The following C7 variants were observed in gnomAD, a reference collection of about 807,000 sequenced individuals.
C7 encodes the protein complement C7.
C7 carries 83 observed loss-of-function variants against 104.8 expected under a neutral mutation model. The observed-to-expected ratio is 0.79, with a 90% CI of 0.66 to 0.95. C7 has a LOEUF of 0.95. Among genes scored for constraint, C7 ranks in the 40% least tolerant of loss-of-function variants. The pLI, the probability that C7 is intolerant of heterozygous loss-of-function variation, is 0.00. For missense variants in C7, 1,070 were observed against 1,011.2 expected (o/e 1.06, Z -0.79); for synonymous variants, 415 against 360.6 (o/e 1.15, Z -1.71).
chr5:40,953,578 T>C (rs552979552), intron 9 of C7, among the ~76,000 whole-genome samples: 164 of 140,966 alleles, frequency 1.2e-3, no homozygotes, highest in Non-Finnish European at 2.1e-3. Flanking sequence ...GAGGCAGAGG[T>C]TGCAGTGAGC....
In C7 at chr5:40,934,481, A is replaced by G. The variant is rs1739773241; in HGVS notation, c.280+15A>G. On this transcript the variant is annotated intron_variant, in intron 4 of 17. Coordinates refer to ENST00000313164, the MANE Select transcript of C7 (RefSeq NM_000587.4). ...GTGCTTTTCAGGTAACTTGTTTTCC[A>G]TAGGCTCAGCATGCAGATTGTAAAT... is the stretch of plus-strand genomic sequence containing the variant. The G allele has an allele frequency of 2.5e-6, 4 of 1,612,782 alleles. No homozygotes were observed. Among genetic ancestry groups the G allele is most frequent in the East Asian group, 4.5e-5 (2 of 44,888 alleles).
At chr5:40,949,142 G>T (rs1324670170) in intron 8 of C7, among the ~76,000 whole-genome samples, 1 of 151,492 alleles carries the variant, frequency 6.6e-6, no homozygotes, top group Admixed American at 6.6e-5. Context: ...ATTCCAAGCT[G>T]GTAAAATTAA....
intron 6 of C7, 72 bp downstream of exon 6, chr5:40,937,762 G>A (rs532193466): frequency 7.4e-5 from 94 of 1,270,604 alleles, no homozygotes; most frequent in African/African-American, 3.3e-4. Context: ...TGACTTTTAC[G>A]TATTTGTTGA....
At chr5:40,972,949 A>G (rs905665374) in intron 15 of C7, among the ~76,000 whole-genome samples, 6 of 152,092 alleles carry the variant, frequency 3.9e-5, no homozygotes, top group African/African-American at 1.2e-4. Flanking sequence ...TGCATTTTTC[A>G]TAAGTACAGA....
chr5:40,961,390 C>CT (rs34613494), intron 12 of C7, among the ~76,000 whole-genome samples: 29,510 of 147,060 alleles, frequency 0.2, 3,436 homozygotes, highest in South Asian at 0.37. Context: ...TTACCTTCTT[C>CT]TTTTTTTTTT....
chr5:40,961,099 G>A (rs961866433), intron 12 of C7, among the ~76,000 whole-genome samples: 9 of 152,164 alleles, frequency 5.9e-5, no homozygotes, highest in East Asian at 3.9e-4. Context: ...CTAAGACTTC[G>A]TATTTCTCTA....
intron 6 of C7, among the ~76,000 whole-genome samples, chr5:40,938,265 G>GT (rs1739858297): frequency 1.3e-5 from 2 of 151,782 alleles, no homozygotes. Context: ...AATTATCCTT[G>GT]TTTTTTCTAT....
intron 7 of C7, among the ~76,000 whole-genome samples, chr5:40,945,915 T>C (rs1740038614): frequency 6.8e-6 from 1 of 146,682 alleles, no homozygotes; most frequent in Non-Finnish European, 1.5e-5. Flanking sequence ...TATATGTATA[T>C]TTAGTTATAG....
chr5:40,945,192 T>C lies in C7; in HGVS notation c.568-6T>C. On this transcript the variant is annotated splice_region_variant and splice_polypyrimidine_tract_variant and intron_variant, in intron 6 of 17. Transcript: ENST00000313164. ...GTCATAGCAAAATTTTTCATTTTCT[T>C]TGTAGGTGAAAATAAATAATGATTT... The C allele has an allele frequency of 7.0e-7, 1 of 1,427,254 alleles. No homozygotes were observed. Among genetic ancestry groups the C allele is most frequent in the African/African-American group, 1.5e-5 (1 of 68,662 alleles). The allele number at this position is 1,427,254 out of a possible 1,614,324, so 88.4% of individuals were successfully genotyped here. A position where few individuals can be genotyped will look rare whatever the true frequency, so the allele number is the denominator to read the frequency against.
intron 9 of C7, among the ~76,000 whole-genome samples, chr5:40,951,581 G>C (rs1740171196): frequency 6.6e-6 from 1 of 152,138 alleles, no homozygotes. Flanking sequence ...ATCCACCCAG[G>C]TAACAAACCT....
rs1380686682 is a variant in C7, at chr5:40,945,233, C to T, written c.603C>T (p.Tyr201=). ...KINNDFNYEF[Y]NSTWSYVKHT... is the part of the protein sequence containing the mutation. ...ATAATGATTTTAATTATGAATTTTA[C>T]AATAGTACTTGGTCTTATGTAAAAC... Residue 201 remains tyrosine (Y), a synonymous_variant, in exon 7 of 18, where the codon TAC becomes TAT. Transcript: ENST00000313164. The T allele has an allele frequency of 2.0e-6, 3 of 1,535,954 alleles. No homozygotes were observed. The highest frequency in any genetic ancestry group is 1.4e-5 in the African/African-American group (1 of 71,860).
intron 7 of C7, among the ~76,000 whole-genome samples, 194 bp downstream of exon 7, chr5:40,945,562 A>G (rs1740028679): frequency 1.3e-5 from 2 of 152,078 alleles, no homozygotes; most frequent in African/African-American, 4.8e-5. Flanking sequence ...CTTTGATAAT[A>G]TATTTATTTA....
intron 9 of C7, among the ~76,000 whole-genome samples, chr5:40,950,259 T>C (rs1308698202): frequency 6.6e-6 from 1 of 152,274 alleles, no homozygotes; most frequent in Non-Finnish European, 1.5e-5. Flanking sequence ...TATTTCCATA[T>C]ATTCTCATCA....
In C7 at chr5:40,947,585, C is replaced by T. The variant is rs1740076867; in HGVS notation, c.739-17C>T. ...TCTTCCACCTAAAACTCCTTGTACT[C>T]TTTCTTCTTTCCACAGAGTTACCAA... On this transcript the variant is annotated splice_polypyrimidine_tract_variant and intron_variant, in intron 7 of 17. Transcript: ENST00000313164. 4 of 1,612,282 alleles carry T rather than the reference C, an allele frequency of 2.5e-6. No homozygotes were observed. In the African/African-American group the frequency reaches 5.3e-5, roughly 21 times the overall value.
intron 3 of C7, among the ~76,000 whole-genome samples, chr5:40,933,985 G>C (rs1281517590): frequency 1.3e-5 from 2 of 149,236 alleles, no homozygotes; most frequent in African/African-American, 5.0e-5. Flanking sequence ...GCCCAGGCTG[G>C]AGTGCAGTGG....
intron 14 of C7, among the ~76,000 whole-genome samples, chr5:40,970,702 T>C (rs1191581989): frequency 6.6e-6 from 1 of 152,164 alleles, no homozygotes. Context: ...CAACCCATCA[T>C]CTAGGTTTTA....
rs1444630405 is a variant in C7, at chr5:40,947,792, G to A, written c.929G>A (p.Gly310Glu). 2 of 1,613,386 alleles carry A rather than the reference G, an allele frequency of 1.2e-6. No homozygotes were observed. The highest frequency in any genetic ancestry group is 1.7e-6 in the Non-Finnish European group (2 of 1,179,574). ...CATTATCTGCAATCTGGGTCGTTAG[G>A]AGGAGAATACAGAGTTCTATTTTAT... ...GTHYLQSGSL[G>E]GEYRVLFYVD... Residue 310 changes from glycine (G) to glutamate (E), a missense_variant, in exon 8 of 18, where the codon GGA (glycine) becomes GAA (glutamate). Physicochemically the swap from Gly to Glu is moderately conservative, Grantham distance 98 (BLOSUM62 -2). Transcript: ENST00000313164.
In C7 at chr5:40,958,211, A is replaced by G. The variant is rs761461384; in HGVS notation, c.1439A>G (p.Tyr480Cys). The change falls in exon 11 of 18, where the codon TAC becomes TGC. Residue 480 changes from tyrosine to cysteine, a missense_variant. Transcript: ENST00000313164. ...CATTGTCTGTGCCATTGCAAACCGT[A>G]CACATTTGGTGCGGCGTGTGAGCAA... The part of the protein sequence containing the change: ...GTHCLCHCKP[Y>C]TFGAACEQGV... 1.2e-6 allele frequency: 2 copies of G among 1,613,306 alleles called. No homozygotes were observed. The highest frequency in any genetic ancestry group is 2.7e-5 in the African/African-American group (2 of 74,892).
chr5:40,972,179 T>A (rs1162782327), intron 14 of C7: 1 of 551,630 alleles, frequency 1.8e-6, no homozygotes, highest in African/African-American at 2.0e-5. Context: ...AGGGGAGGGG[T>A]GGGAGAGGGG....
Sources: allele counts gnomAD v4.1 joint callset (sites outside exome capture counted in the v4.1 genomes callset), GRCh38; gene constraint gnomAD v4.1.1; transcripts MANE v1.5; gene names NCBI Gene and HGNC (gene_info 2026-07-23, HGNC 2026-07-21).